ZBTB37: variants seen among roughly 807,000 people sequenced by gnomAD.
ZBTB37 encodes the protein zinc finger and BTB domain-containing protein 37.
In ZBTB37, 15 loss-of-function variants were observed where a neutral mutation model predicts 37.7. That is an observed-to-expected ratio of 0.40 (90% CI 0.27 to 0.61). ZBTB37 has a LOEUF of 0.61. ZBTB37 is among the 20% of genes least tolerant of loss of function. The pLI is 0.44. For missense variants in ZBTB37, 514 were observed against 641.9 expected, an observed-to-expected ratio of 0.80 and a Z score of 2.15; for synonymous variants, 231 against 220.6, an observed-to-expected ratio of 1.05 and a Z score of -0.42.
At chr1:173,887,282 C>T (rs1656662763), downstream of ZBTB37, 1 of 152,142 alleles carries the variant, frequency 6.6e-6, no homozygotes, top group Non-Finnish European at 1.5e-5. Flanking sequence ...TATAGAAGGA[C>T]CTCACTTAAA....
At chr1:173,875,371 G>C (rs1655901611) in intron 4 of ZBTB37, among the ~76,000 whole-genome samples, 2 of 149,014 alleles carry the variant, frequency 1.3e-5, no homozygotes, top group African/African-American at 5.0e-5. Flanking sequence ...TGTCACCCAG[G>C]CTGGAGTGCA....
exon 4 of ZBTB37, chr1:173,891,847 A>G (rs1557894220): frequency 6.6e-6 from 1 of 152,198 alleles, no homozygotes; most frequent in Admixed American, 6.5e-5. Flanking sequence ...ATCTATCTTG[A>G]CAAAGTTTTC....
chr1:173,890,143 C>T (rs1218035042), downstream of ZBTB37: 1 of 152,110 alleles, frequency 6.6e-6, no homozygotes, highest in African/African-American at 2.4e-5. Flanking sequence ...GGACTACAGG[C>T]GTGTGACCAC....
chr1:173,903,109 ATCAGAT>A (rs1326247640), exon 4 of ZBTB37: 1 of 152,172 alleles, frequency 6.6e-6, no homozygotes, highest in Non-Finnish European at 1.5e-5. Context: ...ATTTCTAAGT[ATCAGAT>A]TTGTTCTCCC....
downstream of ZBTB37, chr1:173,887,555 A>G (rs1023415651): frequency 2.0e-5 from 3 of 152,242 alleles, no homozygotes; most frequent in African/African-American, 7.2e-5. Flanking sequence ...CAGCACTGAG[A>G]GAAAGAACTT....
chr1:173,870,209 C>A, exon 3 of ZBTB37: 1 of 1,581,274 alleles, frequency 6.3e-7, no homozygotes, highest in Non-Finnish European at 8.6e-7. Context: ...GGGTTGAATG[C>A]ACCCTCAGGC....
chr1:173,886,194 C>G (rs1047574816), exon 5 of ZBTB37: 15 of 1,473,614 alleles, frequency 1.0e-5, no homozygotes, highest in Non-Finnish European at 1.3e-5. Flanking sequence ...GAGCCATGGG[C>G]TGATACTTAG....
chr1:173,891,499 T>A (rs1375751978), downstream of ZBTB37: 1 of 152,254 alleles, frequency 6.6e-6, no homozygotes, highest in African/African-American at 2.4e-5. Flanking sequence ...ATTTCTGTTA[T>A]TGTCTATAAT....
exon 4 of ZBTB37, chr1:173,900,570 T>A (rs965875990): frequency 6.6e-6 from 1 of 152,242 alleles, no homozygotes. Flanking sequence ...GAGAGTATTC[T>A]GGATACCACG....
intron 4 of ZBTB37, among the ~76,000 whole-genome samples, chr1:173,877,108 G>A (rs188285596): frequency 6.6e-6 from 1 of 152,190 alleles, no homozygotes; most frequent in Admixed American, 6.5e-5. Flanking sequence ...TAAAAATATT[G>A]TATTATAATC....
At chr1:173,898,806 T>C (rs1461427888) in exon 4 of ZBTB37, 2 of 152,242 alleles carry the variant, frequency 1.3e-5, no homozygotes, top group East Asian at 3.8e-4. Flanking sequence ...ACTTTTCTAA[T>C]ATTTCTTACA....
downstream of ZBTB37, chr1:173,889,298 G>A (rs1656749082): frequency 6.6e-6 from 1 of 152,170 alleles, no homozygotes; most frequent in Admixed American, 6.5e-5. Flanking sequence ...AACAGCTATT[G>A]GTGTATGCAC....
chr1:173,871,174 C>A, intron 3 of ZBTB37, 26 bp downstream of exon 3: 1 of 1,551,388 alleles, frequency 6.4e-7, no homozygotes, highest in East Asian at 2.4e-5. Context: ...TTTGGTTTTC[C>A]CATGTAATGG....
exon 4 of ZBTB37, chr1:173,894,906 A>G (rs1201985165): frequency 6.6e-6 from 1 of 152,172 alleles, no homozygotes; most frequent in African/African-American, 2.4e-5. Flanking sequence ...TAAAGGAGCT[A>G]GAAGGAGAAT....
chr1:173,887,150 A>G (rs1656657229), downstream of ZBTB37: 1 of 152,228 alleles, frequency 6.6e-6, no homozygotes, highest in Non-Finnish European at 1.5e-5. Context: ...GATAACTTTT[A>G]TATGAAGTTT....
chr1:173,891,495 G>A (rs1557894000), downstream of ZBTB37: 1 of 151,986 alleles, frequency 6.6e-6, no homozygotes. Flanking sequence ...TCCCATTTCT[G>A]TTATTGTCTA....
chr1:173,890,261 T>G (rs987727407), downstream of ZBTB37: 1 of 152,214 alleles, frequency 6.6e-6, no homozygotes, highest in Admixed American at 6.5e-5. Flanking sequence ...TTTTAACTGG[T>G]GAAAACTGTA....
exon 4 of ZBTB37, chr1:173,899,557 T>C (rs1391517692): frequency 6.6e-6 from 1 of 152,226 alleles, no homozygotes; most frequent in African/African-American, 2.4e-5. Flanking sequence ...ACCGGCCTTA[T>C]GCTTTCTATT....
exon 4 of ZBTB37, chr1:173,892,349 T>A (rs1656873158): frequency 6.6e-6 from 1 of 152,212 alleles, no homozygotes; most frequent in Non-Finnish European, 1.5e-5. Flanking sequence ...TTATCTTTTT[T>A]CGTATTTTCT....
Sources: gnomAD v4.1 joint callset for allele counts (sites outside exome capture counted in the v4.1 genomes callset) on GRCh38, gnomAD v4.1.1 for gene constraint, MANE v1.5 for transcripts, NCBI Gene and HGNC (gene_info 2026-07-23, HGNC 2026-07-21) for gene names.